The following METTL15 variants were observed in gnomAD, a reference collection of about 807,000 sequenced individuals.
METTL15 encodes the protein methyltransferase 15, mitochondrial 12S rRNA N4-cytidine.
In METTL15, 34 loss-of-function variants were observed where a neutral mutation model predicts 38.3. The ratio of observed to expected loss-of-function variants is 0.89; its 90% CI spans 0.68 to 1.18. The LOEUF (loss-of-function observed/expected upper bound fraction) is 1.18. Among genes scored for constraint, METTL15 ranks in the 50% most tolerant of loss-of-function variants. The pLI, the probability that METTL15 is intolerant of heterozygous loss-of-function variation, is 0.00. For missense variants in METTL15, 438 were observed against 498.4 expected, an observed-to-expected ratio of 0.88 and a Z score of 1.15; for synonymous variants, 162 against 170.9, an observed-to-expected ratio of 0.95 and a Z score of 0.41.
chr11:28,409,334 A>G (rs986017201), intron 5 of METTL15, among the ~76,000 whole-genome samples: 1 of 133,732 alleles, frequency 7.5e-6, no homozygotes, highest in African/African-American at 2.7e-5. Context: ...GTGAGCCGAG[A>G]TGATGCCACT....
At chr11:28,326,563 C>T (rs868581796) in intron 6 of METTL15, among the ~76,000 whole-genome samples, 9 of 151,622 alleles carry the variant, frequency 5.9e-5, no homozygotes, top group South Asian at 2.1e-4. Flanking sequence ...TCCATTATCG[C>T]GTGCCATTTT....
intron 6 of METTL15, among the ~76,000 whole-genome samples, chr11:28,506,797 T>C (rs1851631655): frequency 6.9e-6 from 1 of 144,586 alleles, no homozygotes; most frequent in Admixed American, 7.3e-5. Context: ...CAGGATGGAG[T>C]GCAGTGGCAC....
At chr11:28,370,153 A>G (rs999126479) in intron 5 of METTL15, among the ~76,000 whole-genome samples, 1 of 152,094 alleles carries the variant, frequency 6.6e-6, no homozygotes, top group Non-Finnish European at 1.5e-5. Flanking sequence ...TCTATCAAAC[A>G]GTAGGTCTTG....
intron 3 of METTL15, among the ~76,000 whole-genome samples, chr11:28,339,915 A>T (rs1849935079): frequency 6.6e-6 from 1 of 152,162 alleles, no homozygotes. Context: ...AAAACAAAAA[A>T]TCAGTAAGGG....
chr11:28,336,849 T>C (rs1849905251), downstream of METTL15, among the ~76,000 whole-genome samples: 1 of 152,210 alleles, frequency 6.6e-6, no homozygotes, highest in Admixed American at 6.5e-5. Context: ...CTTGTACTTA[T>C]TTTTTTAAAA....
At chr11:28,386,527 A>T (rs749382495) in intron 5 of METTL15, among the ~76,000 whole-genome samples, 14 of 152,070 alleles carry the variant, frequency 9.2e-5, no homozygotes, top group Non-Finnish European at 1.2e-4. Flanking sequence ...CCAAGAAGAT[A>T]TAACAATAAT....
intron 4 of METTL15, among the ~76,000 whole-genome samples, chr11:28,239,961 A>C (rs1010692332): frequency 6.6e-6 from 1 of 152,178 alleles, no homozygotes; most frequent in Admixed American, 6.5e-5. Context: ...TGACAGTAGG[A>C]GTATTTTTCC....
intron 5 of METTL15, among the ~76,000 whole-genome samples, chr11:28,292,381 C>A (rs560582852): frequency 6.6e-6 from 1 of 151,994 alleles, no homozygotes; most frequent in Non-Finnish European, 1.5e-5. Context: ...CTACAAAGGA[C>A]GTGAACTCAT....
chr11:28,396,702 G>C (rs1418037976), intron 5 of METTL15, among the ~76,000 whole-genome samples: 1 of 152,050 alleles, frequency 6.6e-6, no homozygotes, highest in Non-Finnish European at 1.5e-5. Context: ...TCCCCATCAA[G>C]CTACCAATGA....
At chr11:28,376,398 T>A (rs1393519523) in intron 5 of METTL15, among the ~76,000 whole-genome samples, 10 of 152,154 alleles carry the variant, frequency 6.6e-5, no homozygotes, top group Non-Finnish European at 1.2e-4. Context: ...CTTGTTGAAT[T>A]GATCCCTTTA....
At chr11:28,417,289 T>C (rs1850780884) in intron 5 of METTL15, among the ~76,000 whole-genome samples, 1 of 152,216 alleles carries the variant, frequency 6.6e-6, no homozygotes. Flanking sequence ...ACCCTGATTT[T>C]TCCATTGTTA....
At chr11:28,163,478 C>T (rs1054130799) in intron 3 of METTL15, 8 of 397,786 alleles carry the variant, frequency 2.0e-5, no homozygotes, top group South Asian at 2.6e-4. Flanking sequence ...TGCTGTTACT[C>T]GGTTATCTAA....
intron 5 of METTL15, among the ~76,000 whole-genome samples, chr11:28,397,159 A>G (rs1390303682): frequency 1.3e-5 from 2 of 152,094 alleles, no homozygotes; most frequent in Non-Finnish European, 2.9e-5. Flanking sequence ...CCTAGGCAAT[A>G]CCATTCAGGA....
chr11:28,473,827 GT>G (rs1851321605), intron 6 of METTL15, among the ~76,000 whole-genome samples: 1 of 152,050 alleles, frequency 6.6e-6, no homozygotes, highest in Non-Finnish European at 1.5e-5. Context: ...CTTGCAGGGT[GT>G]TTGCCTTTCA....
chr11:28,479,084 TGTGTG>T (rs1851373068), intron 6 of METTL15, among the ~76,000 whole-genome samples: 1 of 151,696 alleles, frequency 6.6e-6, no homozygotes, highest in Non-Finnish European at 1.5e-5. Context: ...TGTGTGTGTG[TGTGTG>T]TGTGTGTTTG....
At chr11:28,511,044 G>A (rs1851669559) in intron 6 of METTL15, among the ~76,000 whole-genome samples, 1 of 152,128 alleles carries the variant, frequency 6.6e-6, no homozygotes, top group Non-Finnish European at 1.5e-5. Flanking sequence ...TACAATTAAA[G>A]AGAACCCAGG....
At chr11:28,217,014 A>G (rs1852915041) in intron 4 of METTL15, among the ~76,000 whole-genome samples, 1 of 152,068 alleles carries the variant, frequency 6.6e-6, no homozygotes, top group Admixed American at 6.6e-5. Flanking sequence ...TAGTGCCACA[A>G]TAAACATACG....
At chr11:28,274,545 C>T (rs1375552604) in intron 4 of METTL15, among the ~76,000 whole-genome samples, 1 of 151,914 alleles carries the variant, frequency 6.6e-6, no homozygotes, top group Non-Finnish European at 1.5e-5. Flanking sequence ...GTAAATTAAA[C>T]TTATTTTATA....
At chr11:28,403,336 T>C (rs1850646384) in intron 5 of METTL15, among the ~76,000 whole-genome samples, 2 of 152,032 alleles carry the variant, frequency 1.3e-5, no homozygotes, top group South Asian at 4.1e-4. Flanking sequence ...ACCTAACTTT[T>C]CTACAGTTTA....
Sources: gnomAD v4.1 joint callset for allele counts (sites outside exome capture counted in the v4.1 genomes callset) on GRCh38, gnomAD v4.1.1 for gene constraint, MANE v1.5 for transcripts, NCBI Gene and HGNC (gene_info 2026-07-23, HGNC 2026-07-21) for gene names.